The following SGCD variants were observed in gnomAD, a reference collection of about 807,000 sequenced individuals.
SGCD encodes delta-sarcoglycan.
Under a neutral mutation model 36.6 loss-of-function variants are expected in SGCD, and 18 were observed. That is an observed-to-expected ratio of 0.49 (90% CI 0.34 to 0.73). The LOEUF is 0.73. SGCD is among the 30% of genes least tolerant of loss of function. The probability of loss-of-function intolerance (pLI) is 0.01; values close to 1 mark genes in which losing one functional copy is unlikely to be tolerated. For synonymous variants in SGCD, 133 were observed against 130.6 expected (o/e 1.02, Z -0.12); for missense variants, 387 against 346.7 (o/e 1.12, Z -0.92).
At chr5:156,371,272 C>T (rs1357945690) in intron 3 of SGCD, among the ~76,000 whole-genome samples, 2 of 152,100 alleles carry the variant, frequency 1.3e-5, no homozygotes, top group African/African-American at 4.8e-5. Context: ...TTTTAATCCA[C>T]TCTGGAAGAT....
At position 156,002,697 on chromosome 5, in the gene SGCD, C is replaced by T. The variant is rs73810388; in HGVS notation, c.-281-115181C>T. Among the ~76,000 whole-genome samples, 658 of 152,314 alleles carry T rather than the reference C, an allele frequency of 4.3e-3. 1 individual carries two copies. The highest frequency in any genetic ancestry group is 0.015 in the African/African-American group (617 of 41,570). ...TATGTTAGGATCACTCAGAGTGCTG[C>T]TTCAAAAAGCAGACTCCTGTTCCCT... is the stretch of plus-strand genomic sequence containing the variant. On this transcript the variant is annotated intron_variant, in intron 1 of 9. Coordinates refer to the SGCD transcript ENST00000517913.
chr5:156,753,773 A>G (rs1202516054), intron 7 of SGCD, among the ~76,000 whole-genome samples: 1 of 152,186 alleles, frequency 6.6e-6, no homozygotes, highest in Non-Finnish European at 1.5e-5. Flanking sequence ...TCATGAGAAC[A>G]GCATGGGGGT....
At chr5:155,737,212 G>A in the SGCD span, among the ~76,000 whole-genome samples, 2 of 152,144 alleles carry the variant, frequency 1.3e-5, no homozygotes, top group Non-Finnish European at 2.9e-5. Flanking sequence ...GCTTGCAAAC[G>A]ACTATGAGGT....
intron 3 of SGCD, among the ~76,000 whole-genome samples, chr5:156,311,590 A>G (rs1269401716): frequency 7.8e-6 from 1 of 128,938 alleles, no homozygotes; most frequent in African/African-American, 2.9e-5. Flanking sequence ...GTTCTTCAGC[A>G]ATGTCTTAGG....
intron 7 of SGCD, among the ~76,000 whole-genome samples, chr5:156,650,040 T>C (rs1763402779): frequency 6.6e-6 from 1 of 151,808 alleles, no homozygotes; most frequent in Admixed American, 6.6e-5. Context: ...CCCAAACCAA[T>C]GAAACAAAAA....
chr5:156,526,383 G>A (rs1757642257), intron 4 of SGCD, among the ~76,000 whole-genome samples: 1 of 152,114 alleles, frequency 6.6e-6, no homozygotes, highest in African/African-American at 2.4e-5. Context: ...CAAAATGAAG[G>A]CTATGATGGC....
At chr5:156,723,878 T>TGTATGC (rs200898464) in intron 7 of SGCD, among the ~76,000 whole-genome samples, 54 of 151,614 alleles carry the variant, frequency 3.6e-4, no homozygotes, top group African/African-American at 1.2e-3. Context: ...TGTGTGTGTG[T>TGTATGC]ATGCATGCAT....
intron 3 of SGCD, among the ~76,000 whole-genome samples, chr5:156,167,276 A>G (rs981699937): frequency 6.6e-6 from 1 of 152,152 alleles, no homozygotes; most frequent in East Asian, 1.9e-4. Context: ...TTCTCAGCAC[A>G]TATTGCAGTT....
chr5:156,344,456 G>A lies in SGCD; in HGVS notation c.4-33G>A, dbSNP rs371077350. 1.5e-5 allele frequency: 21 copies of A among 1,438,524 alleles called. No individual in the cohort carries two copies. The African/African-American group carries it at 2.2e-4, about 15-fold the overall frequency. 89.1% of individuals were successfully genotyped at this position (1,438,524 alleles called of 1,614,324 possible). A position where few individuals can be genotyped will look rare whatever the true frequency, so the allele number is the denominator to read the frequency against. ...TTTTCTCTTCTCTCAGCGGTTTAAT[G>A]TGAGTGCTTCTCTCTTGCCTCGTTT... On this transcript the variant is annotated intron_variant, in intron 2 of 8. Transcript: ENST00000337851.
At chr5:156,256,811 T>C (rs949389369) in intron 3 of SGCD, among the ~76,000 whole-genome samples, 1 of 152,214 alleles carries the variant, frequency 6.6e-6, no homozygotes, top group Non-Finnish European at 1.5e-5. Context: ...AAATTATCTT[T>C]GCGATAATTC....
intron 3 of SGCD, among the ~76,000 whole-genome samples, chr5:156,204,908 A>G (rs951758460): frequency 3.9e-5 from 6 of 152,108 alleles, no homozygotes; most frequent in Non-Finnish European, 8.8e-5. Context: ...ATGTAGGAAT[A>G]CAGGTATTGC....
chr5:156,281,992 C>A (rs111323624), intron 3 of SGCD, among the ~76,000 whole-genome samples: 29 of 152,056 alleles, frequency 1.9e-4, no homozygotes, highest in African/African-American at 7.0e-4. Context: ...GATCGCGCCA[C>A]TGCACTCTAG....
intron 7 of SGCD, among the ~76,000 whole-genome samples, chr5:156,736,454 G>A (rs371430114): frequency 5.3e-5 from 8 of 151,016 alleles, no homozygotes; most frequent in African/African-American, 2.0e-4. Context: ...CACCAAATTT[G>A]TATAACTTTT....
chr5:156,459,637 G>T (rs943751614), intron 3 of SGCD, among the ~76,000 whole-genome samples: 1 of 152,128 alleles, frequency 6.6e-6, no homozygotes, highest in Non-Finnish European at 1.5e-5. Context: ...ATAAGTGCTT[G>T]ATGATTTAAA....
At chr5:156,594,799 G>T in intron 5 of SGCD, 133 bp from the exon 6 acceptor site, 1 of 617,454 alleles carries the variant, frequency 1.6e-6, no homozygotes. Flanking sequence ...GAACATTGAA[G>T]TCTCATACAA....
chr5:155,756,945 G>A, the SGCD span, among the ~76,000 whole-genome samples: 1 of 152,132 alleles, frequency 6.6e-6, no homozygotes, highest in South Asian at 2.1e-4. Context: ...TTTGTCTCAG[G>A]CTCCTGGGAT....
intron 1 of SGCD, among the ~76,000 whole-genome samples, chr5:156,036,580 T>C (rs1446601694): frequency 1.3e-5 from 2 of 152,206 alleles, no homozygotes; most frequent in Non-Finnish European, 2.9e-5. Flanking sequence ...CTTTGGTTTC[T>C]TTAGAGAACA....
In SGCD at chr5:156,070,783, C is replaced by T. The variant is rs183152397; in HGVS notation, c.-281-47095C>T. On this transcript the variant is annotated intron_variant, in intron 1 of 9. Transcript: ENST00000517913. ...TCCTGCACTCTTTTTGGTTGGTAAG[C>T]TATTGATTATTGCCACAATTTCAAA... Among the ~76,000 whole-genome samples the T allele has an allele frequency of 8.3e-4, 127 of 152,234 alleles. 1 individual carries two copies. The highest frequency in any genetic ancestry group is 2.7e-3 in the African/African-American group (112 of 41,530).
chr5:155,855,728 G>A, the SGCD span, among the ~76,000 whole-genome samples: 11 of 152,044 alleles, frequency 7.2e-5, no homozygotes, highest in African/African-American at 2.7e-4. Flanking sequence ...GTGAATTTCC[G>A]GGTTGAGATT....
Sources: gnomAD v4.1 joint callset for allele counts (sites outside exome capture counted in the v4.1 genomes callset) on GRCh38, gnomAD v4.1.1 for gene constraint, MANE v1.5 for transcripts, NCBI Gene and HGNC (gene_info 2026-07-23, HGNC 2026-07-21) for gene names.